CLEC2D: variants seen among roughly 807,000 people sequenced by gnomAD.
CLEC2D encodes the protein C-type lectin domain family 2 member D, also known as C-type lectin related f.
CLEC2D carries 16 observed loss-of-function variants against 20.0 expected under a neutral mutation model. That is an observed-to-expected ratio of 0.80 (90% CI 0.54 to 1.22). The LOEUF (loss-of-function observed/expected upper bound fraction) is 1.22. CLEC2D is among the 50% of genes most tolerant of loss of function. CLEC2D has a pLI of 0.00. For missense variants in CLEC2D, 207 were observed against 221.5 expected (o/e 0.93, Z 0.42); for synonymous variants, 77 against 71.1 (o/e 1.08, Z -0.42).
At chr12:9,679,565 C>T (rs1865592754) in intron 1 of CLEC2D, among the ~76,000 whole-genome samples, 1 of 152,138 alleles carries the variant, frequency 6.6e-6, no homozygotes, top group Non-Finnish European at 1.5e-5. Context: ...TGTTTCTCTA[C>T]ATGTAGAATT....
chr12:9,687,048 A>C (rs1234927468), intron 2 of CLEC2D, among the ~76,000 whole-genome samples: 1 of 152,200 alleles, frequency 6.6e-6, no homozygotes, highest in East Asian at 1.9e-4. Context: ...GTGAAAGACA[A>C]CGTTTTCATG....
chr12:9,682,953 A>G (rs1865666347), intron 2 of CLEC2D, among the ~76,000 whole-genome samples: 1 of 152,146 alleles, frequency 6.6e-6, no homozygotes, highest in Admixed American at 6.5e-5. Context: ...ACTAATTTAC[A>G]CTCCCACCAA....
chr12:9,695,812 G>T lies in CLEC2D; in HGVS notation c.*938G>T. 1 of 1,245,270 alleles carries T rather than the reference G, an allele frequency of 8.0e-7. No individual in the cohort carries two copies. Among genetic ancestry groups the T allele is most frequent in the Non-Finnish European group, 1.2e-6 (1 of 858,982 alleles). The allele number at this position is 1,245,270 out of a possible 1,614,324, so 77.1% of individuals were successfully genotyped here. The stretch of plus-strand genomic sequence containing the variant: ...CTTAAGTATATCTGGAAAGCAGTCT[G>T]CCCCTGGAGGTGGGCAGAAAAAAGT... On this transcript the variant is annotated 3_prime_UTR_variant, in exon 5 of 5. Transcript: ENST00000290855.
At position 9,693,943 on chromosome 12, in the gene CLEC2D, C is replaced by T. The variant is rs768732605; in HGVS notation, c.462-817C>T. On this transcript the variant is annotated intron_variant, in intron 4 of 4. Coordinates refer to ENST00000290855, the MANE Select transcript of CLEC2D (RefSeq NM_013269.6). The stretch of plus-strand genomic sequence containing the variant: ...ATCTCAGCCTCCTGAGTAGCTGGGA[C>T]TACAGGTGTGTGCCACCTTGCTTGG... The T allele has an allele frequency of 7.9e-4, 226 of 286,482 alleles. 1 individual carries two copies. Among genetic ancestry groups the T allele is most frequent in the African/African-American group, 2.6e-3 (105 of 39,700 alleles). 17.7% of individuals were successfully genotyped at this position (286,482 alleles called of 1,614,324 possible). A position where few individuals can be genotyped will look rare whatever the true frequency, so the allele number is the denominator to read the frequency against.
In CLEC2D at chr12:9,683,784, T is replaced by C. The variant is rs1865695102; in HGVS notation, c.172+2751T>C. 2.0e-5 allele frequency among the ~76,000 whole-genome samples: 3 copies of C among 152,176 alleles called. No individual in the cohort carries two copies. In the South Asian group the frequency reaches 6.2e-4, roughly 32 times the overall value. On this transcript the variant is annotated intron_variant, in intron 2 of 4. Coordinates refer to ENST00000290855, the MANE Select transcript of CLEC2D (RefSeq NM_013269.6). ...TGTTTTGGTTACTGTAGCCTTATAG[T>C]TTAATTTGAAGTCAGGTAGCATGAT...
At chr12:9,688,262 A>G (rs1157338274) in intron 3 of CLEC2D, 176 bp downstream of exon 3, 10 of 1,169,962 alleles carry the variant, frequency 8.5e-6, no homozygotes, top group Admixed American at 4.4e-5. Flanking sequence ...ACAGTGAACC[A>G]TCTAAAATTA....
At chr12:9,685,945 A>G (rs1469789407) in intron 2 of CLEC2D, among the ~76,000 whole-genome samples, 1 of 151,998 alleles carries the variant, frequency 6.6e-6, no homozygotes, top group Admixed American at 6.6e-5. Context: ...CCAAATCGCC[A>G]CCCAGTTTTG....
chr12:9,681,177 G>T, intron 2 of CLEC2D, 144 bp downstream of exon 2: 1 of 519,080 alleles, frequency 1.9e-6, no homozygotes. Context: ...TTTTTAAGTG[G>T]CACCAAAAAT....
At chr12:9,691,745 C>T (rs1165353052) in intron 3 of CLEC2D, among the ~76,000 whole-genome samples, 1 of 152,094 alleles carries the variant, frequency 6.6e-6, no homozygotes, top group Non-Finnish European at 1.5e-5. Flanking sequence ...ATGGTATACA[C>T]TGAACATAGT....
At position 9,695,896 on chromosome 12, in the gene CLEC2D, G is replaced by A. The variant is rs1042342304; in HGVS notation, c.*1022G>A. On this transcript the variant is annotated 3_prime_UTR_variant, in exon 5 of 5. Transcript: ENST00000290855. ...TGAAGATGATGATGATGATGATGACGAGGAAGCTGAAGAAAAAGCGCCAGT... is the reference window on the plus strand; with the variant it reads ...TGAAGATGATGATGATGATGATGACAAGGAAGCTGAAGAAAAAGCGCCAGT... 31 of 1,130,576 alleles carry A rather than the reference G, an allele frequency of 2.7e-5. No homozygotes were observed. Among genetic ancestry groups the A allele is most frequent in the South Asian group, 1.2e-4 (10 of 81,582 alleles). The allele number at this position is 1,130,576 out of a possible 1,614,324, so 70.0% of individuals were successfully genotyped here.
Position 9,698,157 on chromosome 12 carries a change from AT to A in CLEC2D, c.*3284del, listed in dbSNP as rs1478851342. On this transcript the variant is annotated 3_prime_UTR_variant, in exon 5 of 5. Transcript: ENST00000290855. ...ATGGAATACAATGTGATGTTCTGAT[AT>A]ATGTGTACACTATGGAATGATTAAA... 2 of 152,218 alleles carry A rather than the reference AT, an allele frequency of 1.3e-5. No individual in the cohort carries two copies. The highest frequency in any genetic ancestry group is 2.1e-4 in the South Asian group (1 of 4,838). 9.4% of individuals were successfully genotyped at this position (152,218 alleles called of 1,614,324 possible). A position where few individuals can be genotyped will look rare whatever the true frequency, so the allele number is the denominator to read the frequency against.
intron 1 of CLEC2D, among the ~76,000 whole-genome samples, chr12:9,675,191 CTTTTT>C (rs56363104): frequency 7.7e-6 from 1 of 130,220 alleles, no homozygotes; most frequent in Non-Finnish European, 1.6e-5. Flanking sequence ...TTGTCTATTC[CTTTTT>C]TTTTTTTTTT....
rs764055539 is a variant in CLEC2D at position 9,681,007 on chromosome 12, T to C, written c.146T>C (p.Val49Ala). ...TTAATCATGTTTCTGACAATCATAG[T>C]GTGTGGAATGGTTGCTGCTTTAAGC... The part of the protein sequence containing the change: ...FFLIMFLTII[V>A]CGMVAALSAI... The change falls in exon 2 of 5, where the codon GTG becomes GCG. Residue 49 changes from valine to alanine, a missense_variant. Transcript: ENST00000290855. The C allele has an allele frequency of 1.9e-6, 3 of 1,593,830 alleles. No homozygotes were observed. The highest frequency in any genetic ancestry group is 1.7e-4 in the Middle Eastern group (1 of 6,008).
rs965292252 is a variant in CLEC2D, at chr12:9,695,092, G to A, written c.*218G>A. ...TTCTCCCACTGCTAATGACATACCC[G>A]AGACTGAGTAATTTATAAATAAAAG... On this transcript the variant is annotated 3_prime_UTR_variant, in exon 5 of 5. Transcript: ENST00000290855. 1.4e-5 allele frequency: 8 copies of A among 575,718 alleles called. No individual in the cohort carries two copies. The highest frequency in any genetic ancestry group is 3.0e-5 in the Admixed American group (1 of 33,082). The allele number at this position is 575,718 out of a possible 1,614,324, so 35.7% of individuals were successfully genotyped here.
chr12:9,688,007 C>A lies in CLEC2D; in HGVS notation c.278C>A (p.Thr93Asn), dbSNP rs757072519. 2.5e-5 allele frequency: 40 copies of A among 1,612,542 alleles called. No homozygotes were observed. The highest frequency in any genetic ancestry group is 3.2e-5 in the Non-Finnish European group (38 of 1,179,388). Residue 93 changes from threonine to asparagine, a missense_variant, in exon 3 of 5, where the codon ACC becomes AAC. Transcript: ENST00000290855. ...AAGTGTTTCTATTTTTCTGATGACACCAAGAACTGGACATCAAGTCAGAGG... is the reference window on the plus strand; with the variant it reads ...AAGTGTTTCTATTTTTCTGATGACAACAAGAACTGGACATCAAGTCAGAGG... ...QRKCFYFSDD[T>N]KNWTSSQRFC...
chr12:9,685,567 G>A lies in CLEC2D; in HGVS notation c.173-2335G>A, dbSNP rs576291672. ...GAGGAGGAATCTAGAGAGGCAGTCC[G>A]GCTGCAGTGGCTTTGCTGCACTGGC... On this transcript the variant is annotated intron_variant, in intron 2 of 4. Transcript: ENST00000290855. Among the ~76,000 whole-genome samples the A allele has an allele frequency of 2.1e-3, 316 of 152,312 alleles. 1 individual carries two copies. Among genetic ancestry groups the A allele is most frequent in the South Asian group, 3.3e-3 (16 of 4,830 alleles).
rs937502158 is a variant in CLEC2D at position 9,688,065 on chromosome 12, G to T, written c.336G>T (p.Gln112His). 4.4e-6 allele frequency: 7 copies of T among 1,603,810 alleles called. No individual in the cohort carries two copies. The highest frequency in any genetic ancestry group is 6.0e-6 in the Non-Finnish European group (7 of 1,175,018). The change falls in exon 3 of 5, where the codon CAG becomes CAT. Residue 112 changes from glutamine to histidine, a missense_variant. By Grantham distance (24) the Gln-to-His change is conservative. Coordinates refer to ENST00000290855, the MANE Select transcript of CLEC2D (RefSeq NM_013269.6). ...ACTCACAAGATGCTGATCTTGCTCAGGTTGAAAGCTTCCAGGAACTGGTAA... is the reference window on the plus strand; with the variant it reads ...ACTCACAAGATGCTGATCTTGCTCATGTTGAAAGCTTCCAGGAACTGGTAA... ...FCDSQDADLAQVESFQELNFL... is the reference protein window; with the variant it reads ...FCDSQDADLAHVESFQELNFL...
At chr12:9,677,707 C>CTTTTTT (rs36120151) in intron 1 of CLEC2D, among the ~76,000 whole-genome samples, 162 of 122,354 alleles carry the variant, frequency 1.3e-3, no homozygotes, top group Non-Finnish European at 1.6e-3. Flanking sequence ...TTCTTTCTTT[C>CTTTTTT]TTTTTTTTTT....
intron 1 of CLEC2D, among the ~76,000 whole-genome samples, chr12:9,676,854 G>A (rs1865528157): frequency 6.6e-6 from 1 of 152,054 alleles, no homozygotes; most frequent in African/African-American, 2.4e-5. Flanking sequence ...ACATATTTAG[G>A]TCATCTATTT....
Sources: allele counts gnomAD v4.1 joint callset (sites outside exome capture counted in the v4.1 genomes callset), GRCh38; gene constraint gnomAD v4.1.1; transcripts MANE v1.5; gene names NCBI Gene and HGNC (gene_info 2026-07-23, HGNC 2026-07-21).